The following SLC24A2 variants were observed in gnomAD, a reference collection of about 807,000 sequenced individuals.
The protein encoded by SLC24A2 is solute carrier family 24 member 2, also known as sodium/potassium/calcium exchanger 2.
A neutral mutation model predicts 62.0 loss-of-function variants in SLC24A2; 36 were observed. That is an observed-to-expected ratio of 0.58 (90% CI 0.44 to 0.77). SLC24A2 has a LOEUF of 0.77. Ranked by LOEUF, SLC24A2 falls within the 30% of genes least tolerant of loss-of-function variation. The probability of loss-of-function intolerance (pLI) is 0.00; values close to 1 mark genes in which losing one functional copy is unlikely to be tolerated. For synonymous variants in SLC24A2, 358 were observed against 294.0 expected (o/e 1.22, Z -2.23); for missense variants, 846 against 817.9 (o/e 1.03, Z -0.42).
chr9:20,248,652 G>C, the SLC24A2 span, among the ~76,000 whole-genome samples: 1,583 of 152,296 alleles, frequency 0.01, 22 homozygotes, highest in African/African-American at 0.035. Context: ...TGGGGATTTA[G>C]ACTTTACCAT....
chr9:19,895,752 G>A, the SLC24A2 span: 52 of 1,501,346 alleles, frequency 3.5e-5, no homozygotes, highest in Admixed American at 5.9e-4. Context: ...GGGGCTGGGC[G>A]GCCCAGTCCC....
the SLC24A2 span, among the ~76,000 whole-genome samples, chr9:19,831,163 CA>C: frequency 6.6e-6 from 1 of 152,178 alleles, no homozygotes; most frequent in East Asian, 1.9e-4. Context: ...GATACTATTG[CA>C]TTGGGGATTA....
chr9:20,060,080 T>C, the SLC24A2 span, among the ~76,000 whole-genome samples: 36,740 of 151,828 alleles, frequency 0.24, 4,694 homozygotes, highest in Middle Eastern at 0.34. Flanking sequence ...CCTGAAAACA[T>C]ACAAATAATT....
the SLC24A2 span, among the ~76,000 whole-genome samples, chr9:19,941,229 A>G: frequency 7.3e-6 from 1 of 136,944 alleles, no homozygotes. Context: ...TTTACTATGG[A>G]GTAGAGACAA....
the SLC24A2 span, among the ~76,000 whole-genome samples, chr9:19,834,420 T>A: frequency 1.3e-5 from 2 of 152,046 alleles, no homozygotes; most frequent in Non-Finnish European, 2.9e-5. Flanking sequence ...GAGAACTACA[T>A]GACGAATGCA....
At chr9:19,985,415 T>G in the SLC24A2 span, among the ~76,000 whole-genome samples, 26 of 152,254 alleles carry the variant, frequency 1.7e-4, 1 homozygote, top group South Asian at 1.7e-3. Context: ...TAAAAAGAAA[T>G]GAATTACTGA....
intron 2 of SLC24A2, among the ~76,000 whole-genome samples, chr9:19,780,253 G>A (rs544957502): frequency 2.2e-4 from 32 of 148,444 alleles, no homozygotes; most frequent in Non-Finnish European, 2.5e-4. Flanking sequence ...AAATACACAG[G>A]TTAAAATTGC....
intron 2 of SLC24A2, among the ~76,000 whole-genome samples, chr9:19,781,392 A>T (rs1309748014): frequency 4.3e-5 from 5 of 117,468 alleles, no homozygotes; most frequent in Admixed American, 2.8e-4. Flanking sequence ...GGTGGAAGGG[A>T]GAGATAATGG....
chr9:19,563,155 T>C lies in SLC24A2; in HGVS notation c.1347+10196A>G, dbSNP rs193165393. Reference sequence around the variant, plus strand: ...GATGAAGAGTCTTTTGATATTCTTATTTCTTTCACTATTCAGCTTTGGCAT... The same window carrying C: ...GATGAAGAGTCTTTTGATATTCTTACTTCTTTCACTATTCAGCTTTGGCAT... On this transcript the variant is annotated intron_variant, in intron 7 of 10. Transcript: ENST00000341998. Among the ~76,000 whole-genome samples, 12 of 143,740 alleles carry C rather than the reference T, an allele frequency of 8.3e-5. No individual in the cohort carries two copies. The East Asian group carries it at 1.7e-3, about 21-fold the overall frequency. The allele number at this position is 143,740 out of a possible 152,430, so 94.3% of individuals were successfully genotyped here.
the SLC24A2 span, among the ~76,000 whole-genome samples, chr9:19,984,853 C>T: frequency 6.6e-6 from 1 of 152,040 alleles, no homozygotes; most frequent in African/African-American, 2.4e-5. Flanking sequence ...AAGTTGGACC[C>T]CTACCTCACA....
At chr9:20,239,633 G>C in the SLC24A2 span, among the ~76,000 whole-genome samples, 1 of 152,174 alleles carries the variant, frequency 6.6e-6, no homozygotes, top group African/African-American at 2.4e-5. Flanking sequence ...CATGAGAAGA[G>C]CTTGAATTTA....
intron 4 of SLC24A2, among the ~76,000 whole-genome samples, chr9:19,612,659 T>C (rs1563997699): frequency 2.0e-5 from 3 of 152,174 alleles, no homozygotes; most frequent in Admixed American, 1.3e-4. Context: ...TCCTCACTCT[T>C]ATTAAATGCT....
the SLC24A2 span, among the ~76,000 whole-genome samples, chr9:20,090,622 G>A: frequency 2.6e-5 from 4 of 151,194 alleles, no homozygotes; most frequent in Non-Finnish European, 5.9e-5. Flanking sequence ...AACCCCCGCC[G>A]TGAAACCAAA....
chr9:20,136,664 G>A, the SLC24A2 span, among the ~76,000 whole-genome samples: 424 of 152,180 alleles, frequency 2.8e-3, 1 homozygote, highest in African/African-American at 8.9e-3. Context: ...ATTTTTTCAA[G>A]AAACAGGTCT....
chr9:19,953,619 G>A, the SLC24A2 span, among the ~76,000 whole-genome samples: 1 of 152,012 alleles, frequency 6.6e-6, no homozygotes, highest in Non-Finnish European at 1.5e-5. Context: ...CATTTATTAA[G>A]TAGATAGGTC....
At chr9:19,922,937 T>A in the SLC24A2 span, among the ~76,000 whole-genome samples, 1 of 150,354 alleles carries the variant, frequency 6.7e-6, no homozygotes, top group Non-Finnish European at 1.5e-5. Flanking sequence ...TTAAAAATTA[T>A]ATTTTTATGA....
At position 19,599,992 on chromosome 9, in the gene SLC24A2, G is replaced by C. The variant is rs1836801212; in HGVS notation, c.1079-2713C>G. Among the ~76,000 whole-genome samples the C allele has an allele frequency of 6.6e-6, 1 of 152,192 alleles. No homozygotes were observed. The highest frequency in any genetic ancestry group is 1.5e-5 in the Non-Finnish European group (1 of 68,026). ...TAGTTTTTTTGGGGATAGGAGGAAA[G>C]AAGTAAGGGAGTTCAAGAGTCTATT... is the stretch of plus-strand genomic sequence containing the variant. On this transcript the variant is annotated intron_variant, in intron 4 of 10. Coordinates refer to ENST00000341998, the MANE Select transcript of SLC24A2 (RefSeq NM_020344.4). This position sits in a 1 kb window ranked among gnomAD's most constrained non-coding sequence, Gnocchi z 4.5.
At chr9:19,796,479 G>C in the SLC24A2 span, among the ~76,000 whole-genome samples, 1 of 152,146 alleles carries the variant, frequency 6.6e-6, no homozygotes, top group African/African-American at 2.4e-5. Flanking sequence ...TAAAAACCCT[G>C]TGTCCTGAAG....
chr9:20,207,561 T>C, the SLC24A2 span, among the ~76,000 whole-genome samples: 2 of 152,240 alleles, frequency 1.3e-5, no homozygotes, highest in African/African-American at 2.4e-5. Context: ...AATTTGTCTA[T>C]AATTATCTTT....
Sources: gnomAD v4.1 joint callset for allele counts (sites outside exome capture counted in the v4.1 genomes callset) on GRCh38, gnomAD v4.1.1 for gene constraint, Gnocchi (gnomAD v3.1) non-coding constraint, MANE v1.5 for transcripts, NCBI Gene and HGNC (gene_info 2026-07-23, HGNC 2026-07-21) for gene names.